Variants in PTH2R observed in about 807,000 individuals in gnomAD.
PTH2R encodes PTH2 receptor.
In PTH2R, 59 loss-of-function variants were observed where a neutral mutation model predicts 60.3. The ratio of observed to expected loss-of-function variants is 0.98; its 90% CI spans 0.79 to 1.22. PTH2R has a LOEUF of 1.22. PTH2R is among the 50% of genes most tolerant of loss of function. PTH2R has a pLI of 0.00. For synonymous variants in PTH2R, 256 were observed against 243.8 expected (o/e 1.05, Z -0.47); for missense variants, 749 against 682.6 (o/e 1.10, Z -1.08).
intron 10 of PTH2R, among the ~76,000 whole-genome samples, chr2:208,486,667 G>C (rs980376721): frequency 7.2e-5 from 11 of 152,258 alleles, no homozygotes; most frequent in Admixed American, 2.0e-4. Context: ...ATCTGATTAG[G>C]CTGAACTAAA....
chr2:208,452,484 C>T (rs1408186807), intron 8 of PTH2R, among the ~76,000 whole-genome samples: 1 of 152,104 alleles, frequency 6.6e-6, no homozygotes, highest in Admixed American at 6.5e-5. Context: ...TTAATCCTAG[C>T]TTATAATATT....
intron 1 of PTH2R, among the ~76,000 whole-genome samples, chr2:208,426,753 A>G (rs1701865737): frequency 6.6e-6 from 1 of 152,180 alleles, no homozygotes; most frequent in Non-Finnish European, 1.5e-5. Context: ...GCCCTCTGCC[A>G]TGATTGTAAG....
intron 2 of PTH2R, among the ~76,000 whole-genome samples, chr2:208,435,939 T>C (rs1226588061): frequency 6.6e-6 from 1 of 152,172 alleles, no homozygotes; most frequent in Non-Finnish European, 1.5e-5. Context: ...GAAGTTGGGG[T>C]ATAATTTGGC....
chr2:208,403,725 A>G (rs1289002296), upstream of PTH2R, among the ~76,000 whole-genome samples: 2 of 152,200 alleles, frequency 1.3e-5, no homozygotes, highest in Non-Finnish European at 2.9e-5. Flanking sequence ...GTTGGTATCA[A>G]CTGAGGCAGC....
At chr2:208,412,014 G>A (rs1428287475) in intron 1 of PTH2R, among the ~76,000 whole-genome samples, 2 of 152,170 alleles carry the variant, frequency 1.3e-5, no homozygotes, top group Non-Finnish European at 2.9e-5. Context: ...AACTCCTGAA[G>A]GCTTTTAAAT....
At chr2:208,442,280 G>T in intron 4 of PTH2R, 84 bp from the exon 5 acceptor site, 1 of 996,690 alleles carries the variant, frequency 1.0e-6, no homozygotes, top group Non-Finnish European at 1.6e-6. Flanking sequence ...TTAGAAATAA[G>T]ATTCCAAAAA....
At chr2:208,413,608 A>G (rs1701584105) in intron 1 of PTH2R, among the ~76,000 whole-genome samples, 2 of 152,236 alleles carry the variant, frequency 1.3e-5, no homozygotes, top group Admixed American at 1.3e-4. Flanking sequence ...TTTTTAACAT[A>G]TGGAATGTAA....
intron 9 of PTH2R, chr2:208,466,433 T>C (rs552678007): frequency 2.0e-5 from 3 of 152,462 alleles, no homozygotes; most frequent in African/African-American, 7.2e-5. Context: ...TTGCACCAGA[T>C]GCTAGGAGAA....
intron 9 of PTH2R, among the ~76,000 whole-genome samples, chr2:208,471,568 TC>T (rs1702881295): frequency 6.6e-6 from 1 of 152,258 alleles, no homozygotes; most frequent in African/African-American, 2.4e-5. Context: ...TTTGGAAACC[TC>T]TGCCTAAATT....
intron 1 of PTH2R, among the ~76,000 whole-genome samples, chr2:208,413,870 G>C (rs968801698): frequency 2.6e-5 from 4 of 152,180 alleles, no homozygotes; most frequent in African/African-American, 9.7e-5. Context: ...GAGTATTTAA[G>C]GGTTCAGGGT....
At position 208,443,389 on chromosome 2, in the gene PTH2R, T is replaced by G; in HGVS notation, c.551T>G (p.Phe184Cys). 1 of 1,610,098 alleles carries G rather than the reference T, an allele frequency of 6.2e-7. No individual in the cohort carries two copies. The highest frequency in any genetic ancestry group is 8.5e-7 in the Non-Finnish European group (1 of 1,178,570). ...AGGAACTATATCCACATGCACTTAT[T>G]TGTGTCTTTCATGCTGAGAGCTACA... ...CTRNYIHMHL[F>C]VSFMLRATSI... The change falls in exon 6 of 13, where the codon TTT becomes TGT. Residue 184 changes from phenylalanine to cysteine, a missense_variant. Physicochemically the swap from Phe to Cys is radical, Grantham distance 205. Transcript: ENST00000272847.
intron 1 of PTH2R, among the ~76,000 whole-genome samples, chr2:208,412,475 G>A (rs1378838623): frequency 6.6e-6 from 1 of 152,162 alleles, no homozygotes; most frequent in East Asian, 1.9e-4. Context: ...GACTTGTCAT[G>A]TCCAAAAACA....
chr2:208,379,813 T>C (rs1194565096), intron 1 of PTH2R, among the ~76,000 whole-genome samples: 1 of 151,770 alleles, frequency 6.6e-6, no homozygotes, highest in Non-Finnish European at 1.5e-5. Context: ...TGAGCCAAGA[T>C]TGTGCCACTG....
At chr2:208,389,763 A>G (rs927103198) in intron 1 of PTH2R, among the ~76,000 whole-genome samples, 1 of 152,088 alleles carries the variant, frequency 6.6e-6, no homozygotes, top group African/African-American at 2.4e-5. Context: ...CAAAAACTAA[A>G]GATCTTTGAA....
At chr2:208,454,779 T>C (rs953561569) in intron 8 of PTH2R, among the ~76,000 whole-genome samples, 3 of 152,252 alleles carry the variant, frequency 2.0e-5, no homozygotes, top group Admixed American at 2.0e-4. Flanking sequence ...TGTGTACGCT[T>C]TGTGACAGCA....
intron 11 of PTH2R, among the ~76,000 whole-genome samples, chr2:208,490,378 A>C (rs1455030074): frequency 1.3e-5 from 2 of 152,178 alleles, no homozygotes; most frequent in Non-Finnish European, 2.9e-5. Context: ...AAATGAAACT[A>C]ATAGGATAGA....
chr2:208,439,514 A>AT (rs1317594556), intron 4 of PTH2R, among the ~76,000 whole-genome samples: 2 of 151,940 alleles, frequency 1.3e-5, no homozygotes. Context: ...AGTTAATAAA[A>AT]TTTTTTTATA....
At chr2:208,475,601 A>G (rs1702984119) in intron 9 of PTH2R, among the ~76,000 whole-genome samples, 1 of 152,190 alleles carries the variant, frequency 6.6e-6, no homozygotes, top group African/African-American at 2.4e-5. Context: ...ATCTTGTCCA[A>G]TGTTTATCTG....
At chr2:208,480,083 T>A (rs1326956110) in intron 9 of PTH2R, among the ~76,000 whole-genome samples, 1 of 151,934 alleles carries the variant, frequency 6.6e-6, no homozygotes, top group Admixed American at 6.6e-5. Context: ...TAGCAGTGAG[T>A]TTGGTGGGGT....
Sources: gnomAD v4.1 joint callset for allele counts (sites outside exome capture counted in the v4.1 genomes callset) on GRCh38, gnomAD v4.1.1 for gene constraint, MANE v1.5 for transcripts, NCBI Gene and HGNC (gene_info 2026-07-23, HGNC 2026-07-21) for gene names.